SAMD12: variants seen among roughly 807,000 people sequenced by gnomAD.
The protein encoded by SAMD12 is sterile alpha motif domain-containing protein 12.
SAMD12 carries 9 observed loss-of-function variants against 15.0 expected under a neutral mutation model. The ratio of observed to expected loss-of-function variants is 0.60; its 90% CI spans 0.36 to 1.05. The LOEUF (loss-of-function observed/expected upper bound fraction) is 1.05, where lower values mean the gene tolerates loss of function less well. Among genes scored for constraint, SAMD12 ranks in the 50% least tolerant of loss-of-function variants. SAMD12 has a pLI of 0.01. For missense variants in SAMD12, 230 were observed against 234.2 expected, an observed-to-expected ratio of 0.98 and a Z score of 0.12; for synonymous variants, 86 against 90.1, an observed-to-expected ratio of 0.96 and a Z score of 0.25.
intron 1 of SAMD12, among the ~76,000 whole-genome samples, chr8:118,618,885 T>C (rs960767671): frequency 6.6e-5 from 10 of 150,912 alleles, no homozygotes; most frequent in African/African-American, 2.2e-4. Context: ...AGGAAAGCAG[T>C]AGTGAGCCCA....
At chr8:118,577,974 T>C (rs1399504914) in intron 2 of SAMD12, among the ~76,000 whole-genome samples, 2 of 152,176 alleles carry the variant, frequency 1.3e-5, no homozygotes, top group African/African-American at 2.4e-5. Context: ...TTATTTAAAA[T>C]TCAAGCAAAG....
intron 4 of SAMD12, among the ~76,000 whole-genome samples, chr8:118,296,569 C>T (rs1360375844): frequency 1.3e-5 from 2 of 152,242 alleles, no homozygotes; most frequent in African/African-American, 4.8e-5. Context: ...TCACATATCT[C>T]CAGCACTTGG....
intron 4 of SAMD12, among the ~76,000 whole-genome samples, chr8:118,330,110 T>G (rs922869905): frequency 6.6e-6 from 1 of 152,156 alleles, no homozygotes; most frequent in Non-Finnish European, 1.5e-5. Context: ...CTGAAAGAAA[T>G]AGAACAACCA....
chr8:118,621,515 G>A (rs1221728197), intron 1 of SAMD12: 3 of 486,612 alleles, frequency 6.2e-6, no homozygotes, highest in African/African-American at 3.9e-5. Context: ...CGGATCCTCC[G>A]GCTTTCCCCC....
At chr8:118,292,355 C>CAG (rs1814434647) in intron 4 of SAMD12, among the ~76,000 whole-genome samples, 1 of 144,632 alleles carries the variant, frequency 6.9e-6, no homozygotes, top group African/African-American at 2.9e-5. Context: ...CACAGACACA[C>CAG]ACACACACAC....
chr8:118,438,602 A>G (rs567170040), intron 3 of SAMD12, among the ~76,000 whole-genome samples: 5 of 152,208 alleles, frequency 3.3e-5, no homozygotes, highest in East Asian at 1.9e-4. Context: ...ACTGAGACCT[A>G]TTCTAAGAAG....
At chr8:118,563,010 A>G (rs1015063653) in intron 2 of SAMD12, among the ~76,000 whole-genome samples, 7 of 152,372 alleles carry the variant, frequency 4.6e-5, no homozygotes, top group African/African-American at 1.4e-4. Flanking sequence ...AGTGAAAAAC[A>G]GAAACAAAAG....
chr8:118,488,236 TC>T (rs1349405510), intron 2 of SAMD12, among the ~76,000 whole-genome samples: 1 of 149,044 alleles, frequency 6.7e-6, no homozygotes, highest in Non-Finnish European at 1.5e-5. Context: ...CATTTTTTTT[TC>T]AAATGACAAG....
At chr8:118,550,520 T>C (rs1826293283) in intron 2 of SAMD12, among the ~76,000 whole-genome samples, 1 of 152,044 alleles carries the variant, frequency 6.6e-6, no homozygotes, top group African/African-American at 2.4e-5. Flanking sequence ...AAAGAGCTCC[T>C]GAAGGAAGCA....
At chr8:118,276,021 G>C (rs538215814) in intron 4 of SAMD12, among the ~76,000 whole-genome samples, 79 of 152,274 alleles carry the variant, frequency 5.2e-4, no homozygotes, top group Non-Finnish European at 9.3e-4. Context: ...ATGAACATGT[G>C]AGTGCATGTG....
the SAMD12 span, among the ~76,000 whole-genome samples, chr8:118,182,126 G>A: frequency 2.0e-5 from 3 of 152,178 alleles, no homozygotes; most frequent in Admixed American, 2.0e-4. Context: ...TGCAGGGAAA[G>A]TGTCTACTGC....
intron 4 of SAMD12, among the ~76,000 whole-genome samples, chr8:118,244,511 T>C (rs1226449020): frequency 6.6e-6 from 1 of 152,148 alleles, no homozygotes. Context: ...TTTGAAACAT[T>C]TGCAGTCCTT....
the SAMD12 span, among the ~76,000 whole-genome samples, chr8:118,183,929 G>T: frequency 0.52 from 79,039 of 151,964 alleles, 22,478 homozygotes; most frequent in Non-Finnish European, 0.64. Flanking sequence ...GCGATATTTG[G>T]TTTTCAACTT....
chr8:118,359,885 A>G (rs936106839), intron 4 of SAMD12, among the ~76,000 whole-genome samples: 3 of 152,202 alleles, frequency 2.0e-5, no homozygotes, highest in Non-Finnish European at 4.4e-5. Context: ...ACCAATTCCG[A>G]TAAAAACTGG....
At chr8:118,212,468 GTA>G (rs1484695352) in intron 4 of SAMD12, among the ~76,000 whole-genome samples, 1 of 152,134 alleles carries the variant, frequency 6.6e-6, no homozygotes. Context: ...ATGCCTTCTG[GTA>G]TAAACTTCAT....
chr8:118,463,545 G>T (rs1169454043), intron 2 of SAMD12, among the ~76,000 whole-genome samples: 1 of 152,168 alleles, frequency 6.6e-6, no homozygotes, highest in Non-Finnish European at 1.5e-5. Flanking sequence ...AGGCACCAAG[G>T]CAGGGCTCTC....
chr8:118,550,004 A>C (rs1041145258), intron 2 of SAMD12, among the ~76,000 whole-genome samples: 15 of 152,122 alleles, frequency 9.9e-5, no homozygotes, highest in African/African-American at 1.9e-4. Flanking sequence ...AATGAACAAA[A>C]CCTCCAAGAA....
intron 2 of SAMD12, among the ~76,000 whole-genome samples, chr8:118,471,920 T>A (rs1823806299): frequency 6.6e-6 from 1 of 152,212 alleles, no homozygotes; most frequent in Non-Finnish European, 1.5e-5. Flanking sequence ...AAAACTGAGT[T>A]TGAATCCCAG....
chr8:118,512,143 A>G (rs1007349022), intron 2 of SAMD12, among the ~76,000 whole-genome samples: 1 of 152,218 alleles, frequency 6.6e-6, no homozygotes, highest in East Asian at 1.9e-4. Flanking sequence ...CCAGGCATGA[A>G]TATTAATTGG....
Sources: gnomAD v4.1 joint callset for allele counts (sites outside exome capture counted in the v4.1 genomes callset) on GRCh38, gnomAD v4.1.1 for gene constraint, MANE v1.5 for transcripts, NCBI Gene and HGNC (gene_info 2026-07-23, HGNC 2026-07-21) for gene names.